Variants in MYOF observed in about 807,000 individuals in gnomAD.
MYOF encodes the protein fer-1-like 3, myoferlin.
MYOF carries 244 observed loss-of-function variants against 284.2 expected under a neutral mutation model. That is an observed-to-expected ratio of 0.86 (90% CI 0.77 to 0.95). MYOF has a LOEUF of 0.95. Among genes scored for constraint, MYOF ranks in the 40% least tolerant of loss-of-function variants. MYOF has a pLI of 0.00. For synonymous variants in MYOF, 904 were observed against 919.7 expected, an observed-to-expected ratio of 0.98 and a Z score of 0.31; for missense variants, 2,496 against 2,560.6, an observed-to-expected ratio of 0.97 and a Z score of 0.54.
chr10:93,464,805 C>T (rs1262817546), intron 1 of MYOF, among the ~76,000 whole-genome samples: 2 of 152,188 alleles, frequency 1.3e-5, no homozygotes, highest in African/African-American at 4.8e-5. Context: ...CTAAGTAACT[C>T]AGCTCTTCGG....
rs1235561604 is a variant in MYOF at position 93,408,836 on chromosome 10, T to C, written c.680A>G (p.Gln227Arg). Residue 227 changes from glutamine (Q) to arginine (R), a missense_variant, in exon 7 of 54, where the codon CAG (glutamine) becomes CGG (arginine). Gln to Arg is a conservative substitution (Grantham distance 43). Transcript: ENST00000359263. ...TCTCTTGATTCTTGTTCGGTGTGTC[T>C]GGCCACAGACGTGAACTTTGACCAC... ...RPVVKVHVCG[Q>R]THRTRIKRGN... The C allele has an allele frequency of 1.9e-6, 3 of 1,614,118 alleles. No homozygotes were observed. The highest frequency in any genetic ancestry group is 2.2e-5 in the East Asian group (1 of 44,894).
chr10:93,368,287 C>T (rs1391237507), intron 25 of MYOF, among the ~76,000 whole-genome samples: 6 of 152,208 alleles, frequency 3.9e-5, no homozygotes, highest in Non-Finnish European at 8.8e-5. Flanking sequence ...GCTGCAAGGG[C>T]TTGTATGTTT....
chr10:93,449,554 T>C (rs1200392259), intron 3 of MYOF, among the ~76,000 whole-genome samples: 1 of 152,100 alleles, frequency 6.6e-6, no homozygotes, highest in Non-Finnish European at 1.5e-5. Context: ...GAATAAATAA[T>C]CATATAATAG....
intron 10 of MYOF, 61 bp downstream of exon 10, chr10:93,402,799 A>G (rs1306918508): frequency 2.1e-6 from 3 of 1,447,740 alleles, no homozygotes; most frequent in African/African-American, 2.8e-5. Context: ...TCTTAGAATC[A>G]TCTTCAGAGT....
At chr10:93,307,303 ATTTTTT>A (rs567093895) in intron 53 of MYOF, among the ~76,000 whole-genome samples, 102 of 149,754 alleles carry the variant, frequency 6.8e-4, no homozygotes, top group African/African-American at 2.1e-3. Flanking sequence ...TTTTATTTTT[ATTTTTT>A]TTTTGAGATG....
intron 21 of MYOF, among the ~76,000 whole-genome samples, chr10:93,379,489 G>A (rs1846012804): frequency 6.6e-6 from 1 of 152,192 alleles, no homozygotes; most frequent in Non-Finnish European, 1.5e-5. Context: ...CCAGTGGAAA[G>A]TGAGTAGAAA....
At position 93,338,610 on chromosome 10, in the gene MYOF, C is replaced by T. The variant is rs150102882; in HGVS notation, c.4339-697G>A. 1,358 of 433,374 alleles carry T rather than the reference C, an allele frequency of 3.1e-3. 5 individuals carry two copies. The highest frequency in any genetic ancestry group is 4.4e-3 in the Non-Finnish European group (950 of 215,342). The allele number at this position is 433,374 out of a possible 1,614,324, so 26.8% of individuals were successfully genotyped here. On this transcript the variant is annotated intron_variant, in intron 39 of 53. Coordinates refer to ENST00000359263, the MANE Select transcript of MYOF (RefSeq NM_013451.4). ...GCTTTGAAAATTATAAAACGTGAAA[C>T]GAAAGGCAGGAGGCATCATGGTTCA...
intron 19 of MYOF, 44 bp downstream of exon 19, chr10:93,387,753 G>T: frequency 2.0e-6 from 3 of 1,533,346 alleles, no homozygotes; most frequent in Non-Finnish European, 2.7e-6. Context: ...GTCCCTGGAG[G>T]TCTCCTTTTC....
rs77854129 is a variant in MYOF at position 93,370,486 on chromosome 10, A to ATT, written c.2458-712_2458-711dup. Reference sequence around the variant, plus strand: ...GCCACCATGCCTGGCTAATTTTTGTATTTTTTTTGTAGAGACGGGGGTCTT... The same window carrying ATT: ...GCCACCATGCCTGGCTAATTTTTGTATTTTTTTTTTGTAGAGACGGGGGTCTT... On this transcript the variant is annotated intron_variant, in intron 24 of 53. Coordinates refer to ENST00000359263, the MANE Select transcript of MYOF (RefSeq NM_013451.4). 8.0e-5 allele frequency among the ~76,000 whole-genome samples: 12 copies of ATT among 150,238 alleles called. No individual in the cohort carries two copies. The South Asian group carries it at 8.5e-4, about 11-fold the overall frequency.
intron 1 of MYOF, among the ~76,000 whole-genome samples, chr10:93,473,839 TC>T (rs1428489042): frequency 2.6e-5 from 4 of 152,058 alleles, no homozygotes; most frequent in African/African-American, 9.7e-5. Flanking sequence ...GAGGAAATGC[TC>T]CCCCATTTGA....
intron 37 of MYOF, among the ~76,000 whole-genome samples, chr10:93,345,012 G>T (rs549274029): frequency 6.6e-6 from 1 of 152,264 alleles, no homozygotes; most frequent in Non-Finnish European, 1.5e-5. Flanking sequence ...CCTGGGGCGG[G>T]GGTAGGATGA....
chr10:93,370,502 C>T lies in MYOF; in HGVS notation c.2458-726G>A, dbSNP rs563968532. Among the ~76,000 whole-genome samples the T allele has an allele frequency of 2.2e-4, 33 of 150,942 alleles. 1 individual carries two copies. In the East Asian group the frequency reaches 5.7e-3, roughly 26 times the overall value. ...AATTTTTGTATTTTTTTTGTAGAGA[C>T]GGGGGTCTTGCCATGTTGCCCTGGT... is the stretch of plus-strand genomic sequence containing the variant. On this transcript the variant is annotated intron_variant, in intron 24 of 53. Coordinates refer to ENST00000359263, the MANE Select transcript of MYOF (RefSeq NM_013451.4).
chr10:93,350,349 G>C, intron 35 of MYOF, among the ~76,000 whole-genome samples: 1 of 151,708 alleles, frequency 6.6e-6, no homozygotes, highest in East Asian at 1.9e-4. Flanking sequence ...GTCTCACTCT[G>C]TCACCCAGGC....
chr10:93,445,513 C>A (rs2056404365), intron 3 of MYOF, among the ~76,000 whole-genome samples: 1 of 152,236 alleles, frequency 6.6e-6, no homozygotes, highest in Non-Finnish European at 1.5e-5. Context: ...GACCAAGAGG[C>A]TCCTCTGTCT....
At chr10:93,453,104 T>C (rs1564731154) in intron 2 of MYOF, among the ~76,000 whole-genome samples, 2 of 150,728 alleles carry the variant, frequency 1.3e-5, no homozygotes, top group African/African-American at 4.9e-5. Flanking sequence ...TTAGCACTTC[T>C]AAAAAAAAAC....
intron 36 of MYOF, 134 bp downstream of exon 36, chr10:93,349,674 C>G: frequency 9.5e-7 from 1 of 1,055,244 alleles, no homozygotes; most frequent in Non-Finnish European, 1.3e-6. Flanking sequence ...AAGTCACTGA[C>G]AAGCTGAATA....
At chr10:93,420,064 T>C (rs955344336) in intron 5 of MYOF, among the ~76,000 whole-genome samples, 16 of 151,938 alleles carry the variant, frequency 1.1e-4, no homozygotes, top group African/African-American at 3.9e-4. Flanking sequence ...ACCCAGGAGG[T>C]AGAGGTTTCA....
intron 43 of MYOF, among the ~76,000 whole-genome samples, chr10:93,330,308 C>T (rs951256485): frequency 1.3e-5 from 2 of 152,106 alleles, no homozygotes; most frequent in Admixed American, 6.5e-5. Context: ...TAGCTGTTCA[C>T]CAGAGCACCT....
At position 93,310,150 on chromosome 10, in the gene MYOF, A is replaced by G; in HGVS notation, c.6017T>C (p.Phe2006Ser). 6.2e-7 allele frequency: 1 copy of G among 1,614,102 alleles called. No homozygotes were observed. The highest frequency in any genetic ancestry group is 8.5e-7 in the Non-Finnish European group (1 of 1,179,968). Residue 2006 changes from phenylalanine to serine, a missense_variant, in exon 53 of 54, where the codon TTC becomes TCC. Transcript: ENST00000359263. ...CTTGCATGGGTTGGTGAACCAGAGGAAGGAGGTTTCTGGTCGACTGCATTG... is the reference window on the plus strand; with the variant it reads ...CTTGCATGGGTTGGTGAACCAGAGGGAGGAGGTTTCTGGTCGACTGCATTG... ...LDLPNRPETSFLWFTNPCKTM... is the reference protein window; with the variant it reads ...LDLPNRPETSSLWFTNPCKTM...
Sources: allele counts gnomAD v4.1 joint callset (sites outside exome capture counted in the v4.1 genomes callset), GRCh38; gene constraint gnomAD v4.1.1; transcripts MANE v1.5; gene names NCBI Gene and HGNC (gene_info 2026-07-23, HGNC 2026-07-21).